The following RNGTT variants were observed in gnomAD, a reference collection of about 807,000 sequenced individuals.
RNGTT encodes the protein RNA guanylyltransferase and 5'-phosphatase.
A neutral mutation model predicts 79.3 loss-of-function variants in RNGTT; 33 were observed. The ratio of observed to expected loss-of-function variants is 0.42; its 90% confidence interval spans 0.32 to 0.56. RNGTT has a LOEUF of 0.56. RNGTT is among the 20% of genes least tolerant of loss of function. The pLI is 0.17. For missense variants in RNGTT, 497 were observed against 739.1 expected (o/e 0.67, Z 3.80); for synonymous variants, 222 against 235.9 (o/e 0.94, Z 0.54).
intron 14 of RNGTT, among the ~76,000 whole-genome samples, chr6:88,651,312 CA>C (rs1031500858): frequency 1.3e-5 from 2 of 152,004 alleles, no homozygotes; most frequent in African/African-American, 4.8e-5. Flanking sequence ...CTAATTACTT[CA>C]AAATAGTATA....
intron 4 of RNGTT, among the ~76,000 whole-genome samples, chr6:88,907,408 A>T (rs1783690175): frequency 1.4e-5 from 2 of 146,548 alleles, no homozygotes; most frequent in South Asian, 4.2e-4. Context: ...TCTTCTCACC[A>T]CTAAGATTGT....
At chr6:88,937,811 G>A (rs949528036) in intron 2 of RNGTT, among the ~76,000 whole-genome samples, 4 of 152,124 alleles carry the variant, frequency 2.6e-5, no homozygotes, top group Non-Finnish European at 4.4e-5. Flanking sequence ...GGTCATTCAG[G>A]AGCATGTTTA....
intron 13 of RNGTT, among the ~76,000 whole-genome samples, chr6:88,704,556 T>C (rs1776067677): frequency 6.6e-6 from 1 of 152,106 alleles, no homozygotes; most frequent in African/African-American, 2.4e-5. Context: ...ATATGAAATG[T>C]TTCATTTAGC....
chr6:88,752,432 A>G (rs1051197481), intron 13 of RNGTT, among the ~76,000 whole-genome samples: 2 of 152,144 alleles, frequency 1.3e-5, no homozygotes, highest in Admixed American at 1.3e-4. Context: ...TAGGAATTTC[A>G]TAAATACTTT....
intron 14 of RNGTT, among the ~76,000 whole-genome samples, chr6:88,656,273 G>A (rs746708969): frequency 1.1e-4 from 17 of 152,114 alleles, no homozygotes; most frequent in Non-Finnish European, 2.2e-4. Flanking sequence ...AGGAGTTACC[G>A]TCTTGGATGA....
In RNGTT at chr6:88,853,628, C is replaced by T. The variant is rs763968675; in HGVS notation, c.1032+1G>A. The T allele has an allele frequency of 2.6e-6, 4 of 1,564,676 alleles. No individual in the cohort carries two copies. The highest frequency in any genetic ancestry group is 4.6e-5 in the East Asian group (2 of 43,314). ...TTATAGTATACATAAATATGACTTACGCCATCCAAGAGAGTATTTGATAAA... is the reference window on the plus strand; with the variant it reads ...TTATAGTATACATAAATATGACTTATGCCATCCAAGAGAGTATTTGATAAA... On this transcript the variant is annotated splice_donor_variant, in intron 9 of 15. Coordinates refer to ENST00000369485, the MANE Select transcript of RNGTT (RefSeq NM_003800.5). LOFTEE classifies it high-confidence loss of function.
intron 7 of RNGTT, among the ~76,000 whole-genome samples, chr6:88,891,401 T>C (rs1278424249): frequency 6.6e-6 from 1 of 152,126 alleles, no homozygotes; most frequent in Non-Finnish European, 1.5e-5. Context: ...TGAAAGATAT[T>C]TTCAAGTCAT....
At position 88,739,730 on chromosome 6, in the gene RNGTT, TATATATATATATATA is replaced by T. The variant is rs1562227290; in HGVS notation, c.1439+30029_1439+30043del. ...TGTAACTGGTGTGAAAAAAATTATA[TATATATATATATATA>T]TATATATATATATATATATATATAT... On this transcript the variant is annotated intron_variant, in intron 13 of 15. Coordinates refer to ENST00000369485, the MANE Select transcript of RNGTT (RefSeq NM_003800.5). Among the ~76,000 whole-genome samples the T allele has an allele frequency of 9.6e-4, 12 of 12,522 alleles. 1 individual carries two copies. Among genetic ancestry groups the T allele is most frequent in the African/African-American group, 3.0e-3 (12 of 4,014 alleles). The allele number at this position is 12,522 out of a possible 152,430, so 8.2% of individuals were successfully genotyped here. A position where few individuals can be genotyped will look rare whatever the true frequency, so the allele number is the denominator to read the frequency against.
chr6:88,614,135 T>C, intron 15 of RNGTT, 137 bp downstream of exon 15: 1 of 785,148 alleles, frequency 1.3e-6, no homozygotes, highest in South Asian at 1.9e-5. Context: ...AGACTTGACG[T>C]ATCTTTCCCA....
At chr6:88,828,099 G>C (rs1235746679) in intron 11 of RNGTT, among the ~76,000 whole-genome samples, 1 of 152,182 alleles carries the variant, frequency 6.6e-6, no homozygotes, top group Non-Finnish European at 1.5e-5. Context: ...CTGACTGGGA[G>C]AGACCTCCCA....
At chr6:88,930,725 C>T (rs1033959202) in intron 2 of RNGTT, among the ~76,000 whole-genome samples, 7 of 152,000 alleles carry the variant, frequency 4.6e-5, no homozygotes, top group East Asian at 3.9e-4. Context: ...AATACATTTC[C>T]GGTAAGAAAG....
At chr6:88,793,231 TAAGA>T (rs148132962) in intron 12 of RNGTT, among the ~76,000 whole-genome samples, 1,954 of 152,164 alleles carry the variant, frequency 0.013, 44 homozygotes, top group African/African-American at 0.045. Context: ...AATAAAACAT[TAAGA>T]AACAAAGACT....
intron 11 of RNGTT, among the ~76,000 whole-genome samples, 198 bp from the exon 12 acceptor site, chr6:88,801,830 C>CACACAG (rs1413382565): frequency 6.8e-6 from 1 of 148,030 alleles, no homozygotes; most frequent in African/African-American, 2.6e-5. Flanking sequence ...CAGACACACA[C>CACACAG]ACACACACAC....
At chr6:88,711,520 C>T (rs1164567722) in intron 13 of RNGTT, among the ~76,000 whole-genome samples, 1 of 152,140 alleles carries the variant, frequency 6.6e-6, no homozygotes, top group African/African-American at 2.4e-5. Flanking sequence ...CACATTATAC[C>T]TCATTTAATC....
At chr6:88,926,259 T>C (rs1186829613) in intron 4 of RNGTT, among the ~76,000 whole-genome samples, 1 of 152,226 alleles carries the variant, frequency 6.6e-6, no homozygotes, top group Admixed American at 6.5e-5. Flanking sequence ...CAGGAACTAG[T>C]GCTATCAGTT....
intron 13 of RNGTT, among the ~76,000 whole-genome samples, chr6:88,753,010 G>A (rs1246310238): frequency 6.6e-6 from 1 of 151,852 alleles, no homozygotes; most frequent in Non-Finnish European, 1.5e-5. Context: ...AAAGCTTCTT[G>A]TAAAAATAAA....
rs146200598 is a variant in RNGTT at position 88,861,979 on chromosome 6, A to G, written c.897-8215T>C. Reference sequence around the variant, plus strand: ...TAGAGGCTAGTTTAGGCACCTAATTATGATTTATACTATAATTCCATAGAA... The same window carrying G: ...TAGAGGCTAGTTTAGGCACCTAATTGTGATTTATACTATAATTCCATAGAA... On this transcript the variant is annotated intron_variant, in intron 8 of 15. Coordinates refer to ENST00000369485, the MANE Select transcript of RNGTT (RefSeq NM_003800.5). Among the ~76,000 whole-genome samples, 813 of 152,312 alleles carry G rather than the reference A, an allele frequency of 5.3e-3. 7 individuals carry two copies. Among genetic ancestry groups the G allele is most frequent in the African/African-American group, 0.019 (776 of 41,560 alleles).
intron 13 of RNGTT, among the ~76,000 whole-genome samples, chr6:88,758,450 C>T (rs1778094910): frequency 6.6e-6 from 1 of 152,202 alleles, no homozygotes; most frequent in Non-Finnish European, 1.5e-5. Flanking sequence ...GTGTCTATTG[C>T]TCCAGGTAGT....
intron 11 of RNGTT, among the ~76,000 whole-genome samples, chr6:88,832,247 A>T (rs1416610328): frequency 1.3e-5 from 2 of 152,220 alleles, no homozygotes; most frequent in South Asian, 4.1e-4. Flanking sequence ...ACAGATATAT[A>T]GACCAATGGA....
Sources: allele counts gnomAD v4.1 joint callset (sites outside exome capture counted in the v4.1 genomes callset), GRCh38; gene constraint gnomAD v4.1.1; transcripts MANE v1.5; gene names NCBI Gene and HGNC (gene_info 2026-07-23, HGNC 2026-07-21).